SORCS2: variants seen among roughly 807,000 people sequenced by gnomAD.
The protein encoded by SORCS2 is sortilin related VPS10 domain containing receptor 2.
Under a neutral mutation model 141.6 loss-of-function variants are expected in SORCS2, and 100 were observed. The observed-to-expected ratio is 0.71, with a 90% CI of 0.60 to 0.83. The LOEUF (loss-of-function observed/expected upper bound fraction) is 0.83. Among genes scored for constraint, SORCS2 ranks in the 40% least tolerant of loss-of-function variants. SORCS2 has a pLI of 0.00. For synonymous variants in SORCS2, 789 were observed against 676.9 expected, an observed-to-expected ratio of 1.17 and a Z score of -2.57; for missense variants, 1,646 against 1,560.2, an observed-to-expected ratio of 1.05 and a Z score of -0.93.
intron 2 of SORCS2, among the ~76,000 whole-genome samples, chr4:7,453,707 G>T (rs1209359964): frequency 1.6e-5 from 2 of 124,102 alleles, no homozygotes; most frequent in South Asian, 3.0e-4. Flanking sequence ...GCACTGTGTT[G>T]GGGTCAGGCA....
chr4:7,498,324 C>T (rs373010596), intron 2 of SORCS2, among the ~76,000 whole-genome samples: 96 of 152,290 alleles, frequency 6.3e-4, no homozygotes, highest in African/African-American at 2.0e-3. Context: ...CCCTTTGCTA[C>T]GGGTAAAGGG....
At chr4:7,375,046 CGAGGGTGTG>C (rs1253562527) in intron 1 of SORCS2, among the ~76,000 whole-genome samples, 1 of 152,078 alleles carries the variant, frequency 6.6e-6, no homozygotes, top group Non-Finnish European at 1.5e-5. Context: ...GGCATAGTGA[CGAGGGTGTG>C]GAATGTGCAG....
At chr4:7,727,168 A>C (rs1230932081) in intron 21 of SORCS2, among the ~76,000 whole-genome samples, 1 of 152,204 alleles carries the variant, frequency 6.6e-6, no homozygotes, top group East Asian at 1.9e-4. Flanking sequence ...GACAGAACAC[A>C]CCAGGGACAA....
At chr4:7,529,688 CA>C (rs1439894122) in intron 2 of SORCS2, among the ~76,000 whole-genome samples, 1 of 152,210 alleles carries the variant, frequency 6.6e-6, no homozygotes, top group African/African-American at 2.4e-5. Flanking sequence ...CTCGTAAACA[CA>C]ACCATTTGTT....
intron 3 of SORCS2, among the ~76,000 whole-genome samples, chr4:7,577,221 G>T (rs1203416643): frequency 6.6e-6 from 1 of 152,194 alleles, no homozygotes; most frequent in African/African-American, 2.4e-5. Context: ...TGAAACTGAT[G>T]GAAATAAGGA....
intron 1 of SORCS2, among the ~76,000 whole-genome samples, chr4:7,373,478 A>ATATATATATATATATATATATATTTATT (rs1470691140): frequency 2.7e-5 from 1 of 36,824 alleles, no homozygotes; most frequent in Non-Finnish European, 4.1e-5. Flanking sequence ...ATATATATAT[A>ATATATATATATATATATATATATTTATT]TTTTTTTTTT....
chr4:7,682,319 A>G (rs899273088), intron 9 of SORCS2, among the ~76,000 whole-genome samples: 13 of 152,094 alleles, frequency 8.5e-5, no homozygotes, highest in Admixed American at 1.3e-4. Context: ...AGGCAATTCT[A>G]TTGGTCCAGG....
chr4:7,437,731 A>C (rs1210129180), intron 2 of SORCS2, among the ~76,000 whole-genome samples: 1 of 151,788 alleles, frequency 6.6e-6, no homozygotes. Flanking sequence ...TTTTTATCCC[A>C]TGGCGGGGAT....
chr4:7,220,746 C>T (rs1298601749), intron 1 of SORCS2, among the ~76,000 whole-genome samples: 1 of 152,082 alleles, frequency 6.6e-6, no homozygotes, highest in Non-Finnish European at 1.5e-5. Flanking sequence ...CAGGTGCGTC[C>T]CAGGTGTGAA....
intron 1 of SORCS2, among the ~76,000 whole-genome samples, chr4:7,393,821 G>T (rs1435225952): frequency 6.6e-6 from 1 of 152,188 alleles, no homozygotes; most frequent in East Asian, 1.9e-4. Flanking sequence ...CGTCACCGTG[G>T]CATCATCATG....
At chr4:7,620,066 T>G (rs1719061838) in intron 3 of SORCS2, among the ~76,000 whole-genome samples, 1 of 151,394 alleles carries the variant, frequency 6.6e-6, no homozygotes, top group Non-Finnish European at 1.5e-5. Flanking sequence ...CTTCCTCCTC[T>G]TCTTCCTCCT....
At chr4:7,257,729 G>A (rs1460883185) in intron 1 of SORCS2, among the ~76,000 whole-genome samples, 2 of 152,202 alleles carry the variant, frequency 1.3e-5, no homozygotes, top group Non-Finnish European at 2.9e-5. Context: ...CCCCATGTGT[G>A]CCCACTCTCC....
At chr4:7,416,117 G>A (rs1725648196) in intron 2 of SORCS2, among the ~76,000 whole-genome samples, 1 of 152,204 alleles carries the variant, frequency 6.6e-6, no homozygotes, top group Non-Finnish European at 1.5e-5. Context: ...TTGGATTAAG[G>A]AGGCCTCATG....
intron 2 of SORCS2, among the ~76,000 whole-genome samples, chr4:7,495,324 T>C (rs1731547601): frequency 6.6e-6 from 1 of 152,196 alleles, no homozygotes; most frequent in Non-Finnish European, 1.5e-5. Flanking sequence ...CAGGCTGGGT[T>C]CAATGCGCCC....
In SORCS2 at chr4:7,370,839, C is replaced by T. The variant is rs1227091994; in HGVS notation, c.481-25449C>T. Among the ~76,000 whole-genome samples the T allele has an allele frequency of 4.6e-5, 7 of 152,324 alleles. No individual in the cohort carries two copies. In the South Asian group the frequency reaches 8.3e-4, roughly 18 times the overall value. Reference sequence around the variant, plus strand: ...AGGGGCCTGTGGCTTCCATGCTTACCGGCTTTTGCTTTGCTCTCTTATCCC... The same window carrying T: ...AGGGGCCTGTGGCTTCCATGCTTACTGGCTTTTGCTTTGCTCTCTTATCCC... On this transcript the variant is annotated intron_variant, in intron 1 of 26. Coordinates refer to ENST00000507866, the MANE Select transcript of SORCS2 (RefSeq NM_020777.3).
At chr4:7,403,371 C>G (rs1002401625) in intron 2 of SORCS2, among the ~76,000 whole-genome samples, 4 of 152,144 alleles carry the variant, frequency 2.6e-5, no homozygotes, top group Non-Finnish European at 5.9e-5. Context: ...GCTCAGGAAC[C>G]AAGCTCAACC....
chr4:7,299,379 C>G (rs1258465619), intron 1 of SORCS2, among the ~76,000 whole-genome samples: 4 of 152,232 alleles, frequency 2.6e-5, no homozygotes, highest in Non-Finnish European at 2.9e-5. Context: ...GTCTTCCCCT[C>G]AGATGGCTCT....
chr4:7,390,157 C>G (rs1412827262), intron 1 of SORCS2, among the ~76,000 whole-genome samples: 1 of 152,166 alleles, frequency 6.6e-6, no homozygotes, highest in African/African-American at 2.4e-5. Flanking sequence ...TAAGTTCTCC[C>G]TTTTTCAATG....
At chr4:7,321,976 G>T (rs1416596388) in intron 1 of SORCS2, among the ~76,000 whole-genome samples, 1 of 152,194 alleles carries the variant, frequency 6.6e-6, no homozygotes, top group Non-Finnish European at 1.5e-5. Flanking sequence ...TGTATTGACC[G>T]TGTTCCTTCC....
Sources: gnomAD v4.1 joint callset for allele counts (sites outside exome capture counted in the v4.1 genomes callset) on GRCh38, gnomAD v4.1.1 for gene constraint, MANE v1.5 for transcripts, NCBI Gene and HGNC (gene_info 2026-07-23, HGNC 2026-07-21) for gene names.